KLHL8: variants seen among roughly 807,000 people sequenced by gnomAD.
KLHL8 encodes the protein kelch-like protein 8.
In KLHL8, 38 loss-of-function variants were observed where a neutral mutation model predicts 63.5. The observed-to-expected ratio is 0.60, with a 90% CI of 0.46 to 0.78. KLHL8 has a LOEUF of 0.78. Ranked by LOEUF, KLHL8 falls within the 30% of genes least tolerant of loss-of-function variation. The probability of loss-of-function intolerance (pLI) is 0.00; values close to 1 mark genes in which losing one functional copy is unlikely to be tolerated. For synonymous variants in KLHL8, 224 were observed against 254.3 expected (o/e 0.88, Z 1.13); for missense variants, 566 against 752.4 (o/e 0.75, Z 2.90).
intron 6 of KLHL8, among the ~76,000 whole-genome samples, chr4:87,172,807 G>GT (rs1431869965): frequency 2.6e-5 from 4 of 152,086 alleles, no homozygotes; most frequent in Non-Finnish European, 1.5e-5. Context: ...CTGTCAGACT[G>GT]TTTTCACTCT....
chr4:87,210,236 C>T (rs905681700), intron 1 of KLHL8, among the ~76,000 whole-genome samples: 2 of 152,278 alleles, frequency 1.3e-5, no homozygotes, highest in East Asian at 3.9e-4. Flanking sequence ...AATCCCAGCA[C>T]TTTGGGAGGC....
chr4:87,194,616 T>A (rs1314511505), intron 2 of KLHL8, among the ~76,000 whole-genome samples: 2 of 152,174 alleles, frequency 1.3e-5, no homozygotes, highest in Non-Finnish European at 2.9e-5. Flanking sequence ...CACCAAAAAA[T>A]TTTAATATTT....
intron 1 of KLHL8, among the ~76,000 whole-genome samples, chr4:87,214,211 C>CTT (rs11336481): frequency 2.8e-5 from 4 of 141,738 alleles, no homozygotes; most frequent in African/African-American, 5.1e-5. Flanking sequence ...CCTAAGTCAT[C>CTT]TTTTTTTTTT....
intron 8 of KLHL8, among the ~76,000 whole-genome samples, chr4:87,166,689 T>A (rs992810858): frequency 6.6e-6 from 1 of 152,200 alleles, no homozygotes; most frequent in Admixed American, 6.5e-5. Context: ...TATAACAAGA[T>A]CTCCAGATTA....
intron 1 of KLHL8, among the ~76,000 whole-genome samples, chr4:87,205,620 T>C (rs1285263153): frequency 6.6e-6 from 1 of 152,112 alleles, no homozygotes; most frequent in Non-Finnish European, 1.5e-5. Flanking sequence ...TGCACCACCA[T>C]ACAGGGCTAA....
At position 87,162,473 on chromosome 4, in the gene KLHL8, G is replaced by A. The variant is rs902607628; in HGVS notation, c.*1046C>T. 4.6e-5 allele frequency: 7 copies of A among 152,086 alleles called. No individual in the cohort carries two copies. Among genetic ancestry groups the A allele is most frequent in the South Asian group, 2.1e-4 (1 of 4,828 alleles). 9.4% of individuals were successfully genotyped at this position (152,086 alleles called of 1,614,324 possible). A position where few individuals can be genotyped will look rare whatever the true frequency, so the allele number is the denominator to read the frequency against. ...TACCAACAATATGTTTAATTAGTTC[G>A]TGATGGGCTTGAACTAATCAATAAA... On this transcript the variant is annotated 3_prime_UTR_variant, in exon 10 of 10. Coordinates refer to ENST00000273963, the MANE Select transcript of KLHL8 (RefSeq NM_020803.5).
Position 87,178,515 on chromosome 4 carries a change from T to C in KLHL8, c.1058A>G (p.Asn353Ser), listed in dbSNP as rs943807038. 13 of 1,612,264 alleles carry C rather than the reference T, an allele frequency of 8.1e-6. No homozygotes were observed. Among genetic ancestry groups the C allele is most frequent in the Non-Finnish European group, 1.1e-5 (13 of 1,179,708 alleles). Residue 353 changes from asparagine to serine, a missense_variant, in exon 5 of 10, where the codon AAT becomes AGT. Coordinates refer to ENST00000273963, the MANE Select transcript of KLHL8 (RefSeq NM_020803.5). ...TACACCCACATGTCGCCTTCGACTA[T>C]TCATTTCTGGTCCAAAGAACCAACT... ...KNSWFFGPEM[N>S]SRRRHVGVIS...
intron 1 of KLHL8, among the ~76,000 whole-genome samples, chr4:87,208,795 G>A (rs1199574085): frequency 6.6e-6 from 1 of 152,022 alleles, no homozygotes; most frequent in African/African-American, 2.4e-5. Flanking sequence ...AACTACTCTA[G>A]CTCTATCTAG....
rs7666055 is a variant in KLHL8 at position 87,220,561 on chromosome 4, G to A, written c.-295C>T. ...CGCGCGCTCTCCTGCGCGGCCCCGCGGAGCCCCGGCGGGCGCTTGGCGTCC... is the reference window on the plus strand; with the variant it reads ...CGCGCGCTCTCCTGCGCGGCCCCGCAGAGCCCCGGCGGGCGCTTGGCGTCC... On this transcript the variant is annotated 5_prime_UTR_variant, in exon 1 of 10. Transcript: ENST00000273963. The A allele has an allele frequency of 0.12, 18,586 of 152,022 alleles. 2,213 individuals are homozygous for A. Among genetic ancestry groups the A allele is most frequent in the African/African-American group, 0.3 (12,322 of 41,482 alleles). The allele number at this position is 152,022 out of a possible 1,614,324, so 9.4% of individuals were successfully genotyped here.
At chr4:87,219,471 T>C (rs1732732181) in intron 1 of KLHL8, 1 of 141,206 alleles carries the variant, frequency 7.1e-6, no homozygotes, top group Non-Finnish European at 1.5e-5. Context: ...AAAGTATCCC[T>C]CTAAACTGGT....
chr4:87,232,049 AT>A, intron 1 of KLHL8, among the ~76,000 whole-genome samples: 1 of 152,350 alleles, frequency 6.6e-6, no homozygotes, highest in South Asian at 2.1e-4. Context: ...ATAATTATAC[AT>A]TTCCTATACT....
chr4:87,231,893 C>T (rs1467640861), intron 1 of KLHL8, among the ~76,000 whole-genome samples: 3 of 152,182 alleles, frequency 2.0e-5, no homozygotes, highest in Non-Finnish European at 4.4e-5. Flanking sequence ...CCACCATGCC[C>T]GGTTGATTGT....
Position 87,195,564 on chromosome 4 carries a change from G to A in KLHL8, c.-25C>T. On this transcript the variant is annotated 5_prime_UTR_variant, in exon 2 of 10. Coordinates refer to ENST00000273963, the MANE Select transcript of KLHL8 (RefSeq NM_020803.5). ...TTTGCAATATTCCTCTTTTAATAGA[G>A]CTCTCTTCTCAAACATGCCATTTAT... 6.3e-7 allele frequency: 1 copy of A among 1,575,748 alleles called. No individual in the cohort carries two copies. Among genetic ancestry groups the A allele is most frequent in the Non-Finnish European group, 8.7e-7 (1 of 1,148,782 alleles).
At chr4:87,174,574 C>T (rs575218450) in intron 6 of KLHL8, among the ~76,000 whole-genome samples, 91 of 152,214 alleles carry the variant, frequency 6.0e-4, no homozygotes, top group African/African-American at 2.1e-3. Context: ...CCACCATGCC[C>T]GGCCCACCTG....
intron 6 of KLHL8, among the ~76,000 whole-genome samples, chr4:87,171,814 G>A (rs1376136035): frequency 6.6e-6 from 1 of 152,046 alleles, no homozygotes; most frequent in Non-Finnish European, 1.5e-5. Flanking sequence ...AAATTATAAA[G>A]TTCCCTAAGG....
chr4:87,210,660 A>C (rs937249821), intron 1 of KLHL8, among the ~76,000 whole-genome samples: 4 of 152,196 alleles, frequency 2.6e-5, no homozygotes, highest in African/African-American at 9.7e-5. Flanking sequence ...TGAAATAACA[A>C]AATGGCAAAC....
chr4:87,165,173 AG>A lies in KLHL8; in HGVS notation c.1538-1095del, dbSNP rs70957210. Among the ~76,000 whole-genome samples the A allele has an allele frequency of 1.4e-4, 21 of 149,000 alleles. 1 individual carries two copies. The South Asian group carries it at 4.0e-3, about 29-fold the overall frequency. ...TCAAAAAAAAAAAAAAAAAAAAAAA[AG>A]GTCAGAAAAAAAAATTCAAGTCAAC... On this transcript the variant is annotated intron_variant, in intron 8 of 9. Transcript: ENST00000273963.
At chr4:87,230,132 G>A (rs1254349707) in intron 1 of KLHL8, among the ~76,000 whole-genome samples, 1 of 152,126 alleles carries the variant, frequency 6.6e-6, no homozygotes, top group Non-Finnish European at 1.5e-5. Flanking sequence ...GTACTTCTGA[G>A]CTAGTAAGAG....
chr4:87,231,739 G>T (rs925423403), intron 1 of KLHL8, among the ~76,000 whole-genome samples: 11 of 152,098 alleles, frequency 7.2e-5, no homozygotes, highest in African/African-American at 2.4e-4. Context: ...TGGGACTACA[G>T]GCGTGAACCA....
Sources: gnomAD v4.1 joint callset for allele counts (sites outside exome capture counted in the v4.1 genomes callset) on GRCh38, gnomAD v4.1.1 for gene constraint, MANE v1.5 for transcripts, NCBI Gene and HGNC (gene_info 2026-07-23, HGNC 2026-07-21) for gene names.